The following BTBD9 variants were observed in gnomAD, a reference collection of about 807,000 sequenced individuals.
The protein encoded by BTBD9 is BTB/POZ domain-containing protein 9.
Under a neutral mutation model 64.3 loss-of-function variants are expected in BTBD9, and 49 were observed. The observed-to-expected ratio is 0.76, with a 90% CI of 0.61 to 0.97. BTBD9 has a LOEUF of 0.97. Among genes scored for constraint, BTBD9 ranks in the 50% least tolerant of loss-of-function variants. BTBD9 has a pLI of 0.00. For synonymous variants in BTBD9, 260 were observed against 274.7 expected (o/e 0.95, Z 0.53); for missense variants, 598 against 762.1 (o/e 0.78, Z 2.53).
At chr6:38,219,526 C>T (rs1382277242) in intron 9 of BTBD9, among the ~76,000 whole-genome samples, 2 of 152,124 alleles carry the variant, frequency 1.3e-5, no homozygotes, top group African/African-American at 2.4e-5. Flanking sequence ...CTTTCTGAGT[C>T]TCTGACTTAA....
chr6:38,597,816 T>C, intron 2 of BTBD9, 94 bp downstream of exon 2: 2 of 1,035,884 alleles, frequency 1.9e-6, no homozygotes, highest in Non-Finnish European at 2.9e-6. Flanking sequence ...CAAGACTTTG[T>C]CATTATACTT....
chr6:38,614,407 C>T (rs1013335246), intron 1 of BTBD9, among the ~76,000 whole-genome samples: 4 of 152,186 alleles, frequency 2.6e-5, no homozygotes, highest in East Asian at 1.9e-4. Context: ...TTTACATCCC[C>T]AGCACCTTAC....
intron 1 of BTBD9, among the ~76,000 whole-genome samples, chr6:38,618,815 A>G (rs1438541056): frequency 6.6e-6 from 1 of 152,188 alleles, no homozygotes; most frequent in Admixed American, 6.5e-5. Context: ...TTTAATGAAA[A>G]GAATGTGGCT....
chr6:38,285,214 G>C (rs1761683021), intron 8 of BTBD9, among the ~76,000 whole-genome samples: 1 of 152,156 alleles, frequency 6.6e-6, no homozygotes, highest in African/African-American at 2.4e-5. Flanking sequence ...GTAGAAAAGT[G>C]AAACAACTAT....
At chr6:38,193,834 A>C in intron 9 of BTBD9, 3 of 985,426 alleles carry the variant, frequency 3.0e-6, no homozygotes, top group Non-Finnish European at 3.6e-6. Context: ...CTTTGGTTTC[A>C]GGTGTTCCAT....
Position 38,576,191 on chromosome 6 carries a change from G to A in BTBD9, c.1154+1409C>T, listed in dbSNP as rs536391186. 2.6e-5 allele frequency among the ~76,000 whole-genome samples: 4 copies of A among 152,210 alleles called. No individual in the cohort carries two copies. The East Asian group carries it at 7.7e-4, about 29-fold the overall frequency. ...TAATCAGATACAACAGTAATAACCT[G>A]AGTCAATGCAGACTCAATCTCCTCC... On this transcript the variant is annotated intron_variant, in intron 6 of 10. Transcript: ENST00000481247.
intron 6 of BTBD9, among the ~76,000 whole-genome samples, chr6:38,388,476 T>C (rs1766279948): frequency 1.3e-5 from 2 of 152,370 alleles, no homozygotes; most frequent in South Asian, 4.1e-4. Flanking sequence ...TTCAGCTTTA[T>C]GTGTTCCACT....
chr6:38,524,365 C>T (rs1015760603), intron 6 of BTBD9, among the ~76,000 whole-genome samples: 2 of 151,916 alleles, frequency 1.3e-5, no homozygotes, highest in African/African-American at 4.8e-5. Flanking sequence ...AATTTTTCTT[C>T]TCCTTAGAAT....
Position 38,198,342 on chromosome 6 carries a change from G to A in BTBD9, c.1563-5745C>T, listed in dbSNP as rs549842427. Reference sequence around the variant, plus strand: ...GGCTCCAGCCAGCTGTGTCACCATCGGAAAGAAGCAGAGGACAGGAGAGCC... The same window carrying A: ...GGCTCCAGCCAGCTGTGTCACCATCAGAAAGAAGCAGAGGACAGGAGAGCC... On this transcript the variant is annotated intron_variant, in intron 9 of 10. Transcript: ENST00000481247. 9.9e-5 allele frequency among the ~76,000 whole-genome samples: 15 copies of A among 152,210 alleles called. No homozygotes were observed. In the South Asian group the frequency reaches 2.3e-3, roughly 23 times the overall value.
intron 6 of BTBD9, among the ~76,000 whole-genome samples, chr6:38,492,733 C>T (rs961628299): frequency 1.3e-5 from 2 of 152,062 alleles, no homozygotes; most frequent in African/African-American, 4.8e-5. Context: ...CAATTCTTTT[C>T]TTAAAGTGTT....
chr6:38,332,314 T>C (rs1763707477), intron 7 of BTBD9, among the ~76,000 whole-genome samples: 1 of 152,238 alleles, frequency 6.6e-6, no homozygotes, highest in Non-Finnish European at 1.5e-5. Flanking sequence ...AAAATCTACC[T>C]CTTTAACAAG....
At chr6:38,397,640 C>T (rs973257520) in intron 6 of BTBD9, among the ~76,000 whole-genome samples, 42 of 152,122 alleles carry the variant, frequency 2.8e-4, no homozygotes, top group Admixed American at 1.8e-3. Context: ...GAGATGAAGA[C>T]GTGTTATTAA....
At chr6:38,468,766 C>A (rs1289468411) in intron 6 of BTBD9, among the ~76,000 whole-genome samples, 5 of 152,044 alleles carry the variant, frequency 3.3e-5, no homozygotes, top group Non-Finnish European at 7.4e-5. Context: ...GTGAATGAAC[C>A]AATGAATGAA....
At chr6:38,234,504 T>C (rs1204639012) in intron 9 of BTBD9, among the ~76,000 whole-genome samples, 1 of 152,240 alleles carries the variant, frequency 6.6e-6, no homozygotes, top group Non-Finnish European at 1.5e-5. Flanking sequence ...CATGTGGGTG[T>C]CTGTACATCT....
intron 10 of BTBD9, among the ~76,000 whole-genome samples, chr6:38,190,853 A>C (rs75531209): frequency 0.038 from 5,777 of 152,302 alleles, 360 homozygotes; most frequent in African/African-American, 0.13. Context: ...CCCTAGAAGA[A>C]GGCCCTGGGC....
At chr6:38,588,911 T>C (rs909965230) in intron 4 of BTBD9, among the ~76,000 whole-genome samples, 1 of 152,198 alleles carries the variant, frequency 6.6e-6, no homozygotes. Flanking sequence ...ATGTCATGTA[T>C]AAAATGTAAG....
intron 6 of BTBD9, among the ~76,000 whole-genome samples, chr6:38,379,860 G>A (rs754402939): frequency 3.9e-5 from 6 of 152,092 alleles, no homozygotes; most frequent in Non-Finnish European, 5.9e-5. Flanking sequence ...CACAGGAGAC[G>A]GCAGTGTAAA....
intron 6 of BTBD9, among the ~76,000 whole-genome samples, chr6:38,490,670 A>G (rs571710813): frequency 6.6e-6 from 1 of 152,190 alleles, no homozygotes; most frequent in Non-Finnish European, 1.5e-5. Flanking sequence ...AAAGAAGGGA[A>G]GTCAGTGCTA....
intron 6 of BTBD9, among the ~76,000 whole-genome samples, chr6:38,432,682 A>C (rs1474702137): frequency 1.3e-5 from 2 of 151,856 alleles, no homozygotes; most frequent in East Asian, 3.9e-4. Flanking sequence ...CCTCATGACT[A>C]ATGACTTATG....
Sources: allele counts gnomAD v4.1 joint callset (sites outside exome capture counted in the v4.1 genomes callset), GRCh38; gene constraint gnomAD v4.1.1; transcripts MANE v1.5; gene names NCBI Gene and HGNC (gene_info 2026-07-23, HGNC 2026-07-21).